The following HMCN1 variants were observed in gnomAD, a reference collection of about 807,000 sequenced individuals.
The protein encoded by HMCN1 is hemicentin-1.
Under a neutral mutation model 625.9 loss-of-function variants are expected in HMCN1, and 321 were observed. That is an observed-to-expected ratio of 0.51 (90% CI 0.47 to 0.56). HMCN1 has a LOEUF of 0.56. HMCN1 is among the 20% of genes least tolerant of loss of function. HMCN1 has a pLI of 0.00. For synonymous variants in HMCN1, 2,425 were observed against 2,417.6 expected, an observed-to-expected ratio of 1.00 and a Z score of -0.09; for missense variants, 6,588 against 6,887.3, an observed-to-expected ratio of 0.96 and a Z score of 1.54.
At chr1:186,079,590 A>G (rs1659045510) in intron 55 of HMCN1, among the ~76,000 whole-genome samples, 2 of 152,170 alleles carry the variant, frequency 1.3e-5, no homozygotes, top group African/African-American at 4.8e-5. Flanking sequence ...GCCTCTGCCT[A>G]TTCCTTGACC....
At chr1:185,800,668 A>C (rs1304165119) in intron 1 of HMCN1, among the ~76,000 whole-genome samples, 1 of 152,202 alleles carries the variant, frequency 6.6e-6, no homozygotes, top group African/African-American at 2.4e-5. Context: ...CAAGTGAATT[A>C]GATCTTTCAC....
chr1:185,917,535 A>G (rs962844241), intron 6 of HMCN1, among the ~76,000 whole-genome samples: 1 of 152,214 alleles, frequency 6.6e-6, no homozygotes, highest in African/African-American at 2.4e-5. Context: ...GCATCTAGAA[A>G]CATTTAGTGA....
rs545736837 is a variant in HMCN1, at chr1:185,951,566, C to T, written c.1829-10952C>T. On this transcript the variant is annotated intron_variant, in intron 11 of 106. Transcript: ENST00000271588. ...CGATCGGGCAGTGTCAGTCTTCAGC[C>T]GCTAAGCCGAGAAGATCTGGGAAGG... 1.7e-3 allele frequency among the ~76,000 whole-genome samples: 264 copies of T among 151,172 alleles called. 2 individuals carry two copies. The highest frequency in any genetic ancestry group is 5.6e-3 in the African/African-American group (232 of 41,236).
intron 36 of HMCN1, among the ~76,000 whole-genome samples, chr1:186,035,486 T>G (rs915462833): frequency 1.3e-5 from 2 of 152,182 alleles, no homozygotes; most frequent in Admixed American, 1.3e-4. Flanking sequence ...TTGGTCTTCT[T>G]CTAAATTCTG....
chr1:185,984,181 C>T lies in HMCN1; in HGVS notation c.2803C>T (p.Pro935Ser), dbSNP rs755789454. 6.2e-7 allele frequency: 1 copy of T among 1,612,948 alleles called. No homozygotes were observed. Among genetic ancestry groups the T allele is most frequent in the Non-Finnish European group, 8.5e-7 (1 of 1,179,222 alleles). ...IKNSAMLLQN[P>S]YITVRSDGSL... ...TTTTTCCTTTAAGTTGCTCCAAAAT[C>T]CTTACATCACTGTGCGCAGTGATGG... Residue 935 changes from proline to serine, a missense_variant, in exon 19 of 107, where the codon CCT becomes TCT. By Grantham distance (74) the Pro-to-Ser change is moderately conservative. This residue lies in a region of HMCN1 where 4,628 missense variants were observed against 4,853.1 expected (regional missense o/e 0.95). Transcript: ENST00000271588.
chr1:185,910,183 C>A (rs1236849689), intron 5 of HMCN1, among the ~76,000 whole-genome samples: 9 of 151,712 alleles, frequency 5.9e-5, no homozygotes, highest in African/African-American at 2.2e-4. Context: ...TCCACTGTGG[C>A]TTTAGTTGCA....
In HMCN1 at chr1:185,856,026, A is replaced by T. The variant is rs148959952; in HGVS notation, c.340-8444A>T. ...TTCTACAAGTAATAAAAGCCAGCAC[A>T]TGTCACTGACGAACTCTGTAATTAT... On this transcript the variant is annotated intron_variant, in intron 2 of 106. Transcript: ENST00000271588. 2.6e-4 allele frequency among the ~76,000 whole-genome samples: 40 copies of T among 152,354 alleles called. No homozygotes were observed. In the East Asian group the frequency reaches 7.1e-3, roughly 27 times the overall value.
intron 52 of HMCN1, among the ~76,000 whole-genome samples, chr1:186,073,521 AATG>A (rs1658602603): frequency 6.6e-6 from 1 of 152,154 alleles, no homozygotes; most frequent in Admixed American, 6.6e-5. Flanking sequence ...GAAATAAGTT[AATG>A]ATGATGTAGG....
intron 10 of HMCN1, among the ~76,000 whole-genome samples, chr1:185,930,627 T>G (rs1256460319): frequency 6.6e-6 from 1 of 152,174 alleles, no homozygotes; most frequent in African/African-American, 2.4e-5. Context: ...ATATGTCGCC[T>G]CAATTTTTGC....
Position 186,063,704 on chromosome 1 carries a change from T to A in HMCN1, c.7513+1104T>A, listed in dbSNP as rs1292303092. The stretch of plus-strand genomic sequence containing the variant: ...ATAGGTTGGAGTTTTGGTGAAAGAA[T>A]GACGTTATTTTGTAGTGGGGATTTT... On this transcript the variant is annotated intron_variant, in intron 48 of 106. Coordinates refer to ENST00000271588, the MANE Select transcript of HMCN1 (RefSeq NM_031935.3). Among the ~76,000 whole-genome samples, 3 of 152,144 alleles carry A rather than the reference T, an allele frequency of 2.0e-5. No homozygotes were observed. The East Asian group carries it at 5.8e-4, about 29-fold the overall frequency.
chr1:185,747,832 A>T (rs4651287), intron 1 of HMCN1, among the ~76,000 whole-genome samples: 1 of 151,778 alleles, frequency 6.6e-6, no homozygotes, highest in African/African-American at 2.4e-5. Flanking sequence ...ATTAGCAGTA[A>T]GTCTCTGAGA....
Position 186,056,839 on chromosome 1 carries a change from A to G in HMCN1, c.7145-395A>G, listed in dbSNP as rs540212049. On this transcript the variant is annotated intron_variant, in intron 45 of 106. Coordinates refer to ENST00000271588, the MANE Select transcript of HMCN1 (RefSeq NM_031935.3). ...CAGGATCAATCATACCCCAAGCCTC[A>G]GCATCACAGAATATACCCATGTAAC... Among the ~76,000 whole-genome samples the G allele has an allele frequency of 2.6e-5, 4 of 152,038 alleles. No homozygotes were observed. In the East Asian group the frequency reaches 7.8e-4, roughly 30 times the overall value.
intron 57 of HMCN1, among the ~76,000 whole-genome samples, chr1:186,083,357 C>G (rs1044512986): frequency 6.6e-6 from 1 of 151,902 alleles, no homozygotes; most frequent in African/African-American, 2.4e-5. Context: ...TGAGCTATGT[C>G]CTCTAGTAAC....
chr1:185,893,871 C>T (rs1665306745), intron 4 of HMCN1, among the ~76,000 whole-genome samples: 1 of 152,170 alleles, frequency 6.6e-6, no homozygotes, highest in African/African-American at 2.4e-5. Context: ...GGATAGCTAG[C>T]ACTCAGACTG....
chr1:186,187,779 G>A, intron 105 of HMCN1, 104 bp from the exon 106 acceptor site: 2 of 1,461,126 alleles, frequency 1.4e-6, no homozygotes, highest in South Asian at 2.3e-5. Flanking sequence ...CATGGCAGGA[G>A]AAGGCTAGCC....
chr1:185,862,752 C>T (rs536686170), intron 2 of HMCN1, among the ~76,000 whole-genome samples: 16 of 152,230 alleles, frequency 1.1e-4, no homozygotes, highest in South Asian at 6.2e-4. Flanking sequence ...ACTGCTAACT[C>T]GATAACATTT....
chr1:185,752,989 C>T (rs974736630), intron 1 of HMCN1, among the ~76,000 whole-genome samples: 2 of 151,924 alleles, frequency 1.3e-5, no homozygotes, highest in Non-Finnish European at 2.9e-5. Context: ...ATGTAATGAC[C>T]AGGTTGTTTT....
At chr1:185,829,554 T>A (rs931245839) in intron 1 of HMCN1, among the ~76,000 whole-genome samples, 1 of 152,130 alleles carries the variant, frequency 6.6e-6, no homozygotes, top group African/African-American at 2.4e-5. Context: ...TGATGGCTTG[T>A]AGCTTCATCC....
At chr1:186,172,515 G>C (rs1652295711) in intron 102 of HMCN1, among the ~76,000 whole-genome samples, 1 of 152,062 alleles carries the variant, frequency 6.6e-6, no homozygotes, top group South Asian at 2.1e-4. Context: ...AATTATTTTG[G>C]AGATGTATAT....
Sources: gnomAD v4.1 joint callset for allele counts (sites outside exome capture counted in the v4.1 genomes callset) on GRCh38, gnomAD v4.1.1 for gene constraint, gnomAD v4.1.1 regional missense constraint, MANE v1.5 for transcripts, NCBI Gene and HGNC (gene_info 2026-07-23, HGNC 2026-07-21) for gene names.